The following FAT3 variants were observed in gnomAD, a reference collection of about 807,000 sequenced individuals.
FAT3 encodes the protein protocadherin Fat 3.
Under a neutral mutation model 310.2 loss-of-function variants are expected in FAT3, and 95 were observed. The ratio of observed to expected loss-of-function variants is 0.31; its 90% CI spans 0.26 to 0.36. The LOEUF (loss-of-function observed/expected upper bound fraction) is 0.36. Among genes scored for constraint, FAT3 ranks in the 10% least tolerant of loss-of-function variants. The pLI is 1.00. For synonymous variants in FAT3, 2,314 were observed against 2,192.9 expected (o/e 1.06, Z -1.54); for missense variants, 5,408 against 5,715.6 (o/e 0.95, Z 1.74).
chr11:92,813,631 C>A (rs1947742251), intron 13 of FAT3, among the ~76,000 whole-genome samples: 1 of 152,148 alleles, frequency 6.6e-6, no homozygotes, highest in South Asian at 2.1e-4. Context: ...ATCTATAATT[C>A]TCTTATTTCA....
chr11:92,476,251 G>C (rs1436250088), intron 2 of FAT3, among the ~76,000 whole-genome samples: 1 of 152,070 alleles, frequency 6.6e-6, no homozygotes, highest in Admixed American at 6.5e-5. Flanking sequence ...TCTTTTTGTT[G>C]AAGCCACCTG....
intron 3 of FAT3, among the ~76,000 whole-genome samples, chr11:92,533,902 A>G (rs567770689): frequency 2.0e-3 from 304 of 152,288 alleles, no homozygotes; most frequent in Middle Eastern, 3.4e-3. Context: ...TGATAGAGTC[A>G]TGTAAATAGA....
intron 2 of FAT3, among the ~76,000 whole-genome samples, chr11:92,430,529 C>T (rs1950742018): frequency 6.6e-6 from 1 of 151,524 alleles, no homozygotes; most frequent in Non-Finnish European, 1.5e-5. Flanking sequence ...TTAATATATA[C>T]TTTAAGTTTT....
At chr11:92,477,792 A>G (rs1952088167) in intron 2 of FAT3, among the ~76,000 whole-genome samples, 1 of 152,232 alleles carries the variant, frequency 6.6e-6, no homozygotes, top group Non-Finnish European at 1.5e-5. Flanking sequence ...TGTCTGTATT[A>G]GAACACAAGA....
Position 92,460,758 on chromosome 11 carries a change from C to G in FAT3, c.3293-63876C>G, listed in dbSNP as rs532243781. On this transcript the variant is annotated intron_variant, in intron 2 of 27. Coordinates refer to ENST00000525166, the MANE Select transcript of FAT3 (RefSeq NM_001367949.2). ...TGCACAACACATGCACCTAGTACCT[C>G]TACTCATTAGATATATGTTATGGAC... Among the ~76,000 whole-genome samples, 4 of 152,276 alleles carry G rather than the reference C, an allele frequency of 2.6e-5. No homozygotes were observed. The South Asian group carries it at 8.3e-4, about 32-fold the overall frequency.
chr11:92,227,559 C>T (rs1460184009), intron 1 of FAT3, among the ~76,000 whole-genome samples: 1 of 152,078 alleles, frequency 6.6e-6, no homozygotes, highest in Non-Finnish European at 1.5e-5. Flanking sequence ...CACCAGCAGA[C>T]ACTGAACTTC....
At chr11:92,880,685 C>T (rs759950023) in intron 22 of FAT3, 46 bp from the exon 23 acceptor site, 1 of 1,590,700 alleles carries the variant, frequency 6.3e-7, no homozygotes, top group South Asian at 1.2e-5. Context: ...AAGCACTCAG[C>T]CCTAGCAGTG....
At position 92,672,967 on chromosome 11, in the gene FAT3, C is replaced by A. The variant is rs988935136; in HGVS notation, c.3608-24417C>A. Among the ~76,000 whole-genome samples the A allele has an allele frequency of 3.9e-5, 6 of 152,164 alleles. No homozygotes were observed. In the South Asian group the frequency reaches 1.2e-3, roughly 31 times the overall value. ...ATTCAGGTAGAGGTTGGTTGACCAT[C>A]TGGTAGTGATATTGCAGAAAGGATT... is the stretch of plus-strand genomic sequence containing the variant. On this transcript the variant is annotated intron_variant, in intron 3 of 27. Coordinates refer to ENST00000525166, the MANE Select transcript of FAT3 (RefSeq NM_001367949.2).
chr11:92,404,624 TC>T (rs1950096963), intron 2 of FAT3, among the ~76,000 whole-genome samples: 1 of 151,716 alleles, frequency 6.6e-6, no homozygotes, highest in African/African-American at 2.4e-5. Flanking sequence ...ACCTCTTACT[TC>T]CCATGATGGC....
At chr11:92,835,754 T>G (rs2136271724) in intron 15 of FAT3, among the ~76,000 whole-genome samples, 1 of 152,200 alleles carries the variant, frequency 6.6e-6, no homozygotes, top group East Asian at 1.9e-4. Flanking sequence ...ACACACAGAG[T>G]TGGGCAGCTA....
At chr11:92,658,736 T>G (rs1355196168) in intron 3 of FAT3, among the ~76,000 whole-genome samples, 1 of 152,184 alleles carries the variant, frequency 6.6e-6, no homozygotes, top group Non-Finnish European at 1.5e-5. Context: ...AAAGTAGAGA[T>G]GCTTGTAGCT....
chr11:92,689,041 T>C (rs182019364), intron 3 of FAT3, among the ~76,000 whole-genome samples: 10 of 152,296 alleles, frequency 6.6e-5, no homozygotes, highest in Admixed American at 6.5e-4. Flanking sequence ...AATAGTATTA[T>C]TTGGGCATGT....
chr11:92,838,938 T>C (rs1312232559), intron 17 of FAT3, among the ~76,000 whole-genome samples: 1 of 152,138 alleles, frequency 6.6e-6, no homozygotes, highest in African/African-American at 2.4e-5. Flanking sequence ...TCTGATGCTT[T>C]TTCCAGCAGC....
rs371285299 is a variant in FAT3 at position 92,705,747 on chromosome 11, T to C, written c.3669+8302T>C. Reference sequence around the variant, plus strand: ...GGTGTGATGGTGTGATGGTGGTGGGTGATGGTGCTGTGATGGTGTGATGGT... The same window carrying C: ...GGTGTGATGGTGTGATGGTGGTGGGCGATGGTGCTGTGATGGTGTGATGGT... On this transcript the variant is annotated intron_variant, in intron 4 of 27. Coordinates refer to ENST00000525166, the MANE Select transcript of FAT3 (RefSeq NM_001367949.2). 3.2e-4 allele frequency among the ~76,000 whole-genome samples: 16 copies of C among 50,012 alleles called. 1 individual carries two copies. In the East Asian group the frequency reaches 4.9e-3, roughly 15 times the overall value. 32.8% of individuals were successfully genotyped at this position (50,012 alleles called of 152,430 possible). A position where few individuals can be genotyped will look rare whatever the true frequency, so the allele number is the denominator to read the frequency against.
At position 92,561,250 on chromosome 11, in the gene FAT3, C is replaced by CGTGTGTGT. The variant is rs66585879; in HGVS notation, c.3607+36335_3607+36342dup. On this transcript the variant is annotated intron_variant, in intron 3 of 27. Transcript: ENST00000525166. The stretch of plus-strand genomic sequence containing the variant: ...GACAGTCTCTCAGATCCTTCTACTT[C>CGTGTGTGT]GTGTGTGTGTGTGTGTGTGTGTGTG... Among the ~76,000 whole-genome samples the CGTGTGTGT allele has an allele frequency of 8.6e-3, 1,275 of 148,464 alleles. 9 individuals carry two copies. The highest frequency in any genetic ancestry group is 0.011 in the Admixed American group (157 of 14,916).
At chr11:92,872,259 C>A (rs1049079217) in intron 22 of FAT3, among the ~76,000 whole-genome samples, 1 of 152,234 alleles carries the variant, frequency 6.6e-6, no homozygotes, top group African/African-American at 2.4e-5. Context: ...AATTAAGTAC[C>A]TCCTTGGTGC....
intron 3 of FAT3, among the ~76,000 whole-genome samples, chr11:92,592,318 CTTTTTTTTTT>C (rs753531647): frequency 9.2e-6 from 1 of 108,244 alleles, no homozygotes; most frequent in Non-Finnish European, 1.7e-5. Flanking sequence ...TCCTAATTGT[CTTTTTTTTTT>C]TTTTTTTTTT....
chr11:92,618,137 C>T (rs1023803835), intron 3 of FAT3, among the ~76,000 whole-genome samples: 2 of 152,182 alleles, frequency 1.3e-5, no homozygotes, highest in Admixed American at 1.3e-4. Flanking sequence ...CCACCCAGTT[C>T]GAGCTTCCCA....
intron 2 of FAT3, among the ~76,000 whole-genome samples, chr11:92,453,267 C>T (rs1347510000): frequency 6.6e-6 from 1 of 152,176 alleles, no homozygotes; most frequent in Non-Finnish European, 1.5e-5. Flanking sequence ...TGCTGCTTTG[C>T]TTCCTATTCA....
Sources: gnomAD v4.1 joint callset for allele counts (sites outside exome capture counted in the v4.1 genomes callset) on GRCh38, gnomAD v4.1.1 for gene constraint, MANE v1.5 for transcripts, NCBI Gene and HGNC (gene_info 2026-07-23, HGNC 2026-07-21) for gene names.